The following CSNK1G1 variants were observed in gnomAD, a reference collection of about 807,000 sequenced individuals.
CSNK1G1 encodes the protein casein kinase 1 gamma 1.
CSNK1G1 carries 22 observed loss-of-function variants against 59.6 expected under a neutral mutation model. That is an observed-to-expected ratio of 0.37 (90% confidence interval 0.26 to 0.53). The LOEUF (loss-of-function observed/expected upper bound fraction) is 0.53, where lower values mean the gene tolerates loss of function less well. CSNK1G1 is among the 20% of genes least tolerant of loss of function. The pLI is 0.89. For missense variants in CSNK1G1, 384 were observed against 519.5 expected, an observed-to-expected ratio of 0.74 and a Z score of 2.54; for synonymous variants, 179 against 177.1, an observed-to-expected ratio of 1.01 and a Z score of -0.08.
intron 2 of CSNK1G1, among the ~76,000 whole-genome samples, chr15:64,284,112 TG>T (rs1402802918): frequency 6.6e-6 from 1 of 152,218 alleles, no homozygotes; most frequent in Non-Finnish European, 1.5e-5. Context: ...CCCCATTGTA[TG>T]GTCTTGACAC....
rs34206192 is a variant in CSNK1G1 at position 64,338,700 on chromosome 15, C to CAAAAAAAAAAAAAA, written c.-225+17274_-225+17287dup. On this transcript the variant is annotated intron_variant, in intron 1 of 11. Coordinates refer to ENST00000303052, the MANE Select transcript of CSNK1G1 (RefSeq NM_022048.5). ...GGGCAACAAGAGTGAAACTCGGTCT[C>CAAAAAAAAAAAAAA]AAAAAAAAAAAAAAAAAAAAAAAAA... Among the ~76,000 whole-genome samples the CAAAAAAAAAAAAAA allele has an allele frequency of 9.5e-5, 3 of 31,532 alleles. 1 individual carries two copies. Among genetic ancestry groups the CAAAAAAAAAAAAAA allele is most frequent in the African/African-American group, 5.6e-4 (3 of 5,382 alleles). 20.7% of individuals were successfully genotyped at this position (31,532 alleles called of 152,430 possible). A position where few individuals can be genotyped will look rare whatever the true frequency, so the allele number is the denominator to read the frequency against.
chr15:64,318,819 C>T (rs888359567), intron 1 of CSNK1G1, among the ~76,000 whole-genome samples: 2 of 151,906 alleles, frequency 1.3e-5, no homozygotes, highest in Non-Finnish European at 2.9e-5. Context: ...CCATGTTGGC[C>T]GGGCTGGTCT....
intron 4 of CSNK1G1, among the ~76,000 whole-genome samples, chr15:64,230,808 T>G (rs2082537500): frequency 6.6e-6 from 1 of 151,672 alleles, no homozygotes; most frequent in Non-Finnish European, 1.5e-5. Flanking sequence ...CCGTCTCTAC[T>G]AAAAAATACA....
chr15:64,225,580 C>A (rs749665050), intron 4 of CSNK1G1, among the ~76,000 whole-genome samples: 2 of 152,180 alleles, frequency 1.3e-5, no homozygotes, highest in Non-Finnish European at 2.9e-5. Context: ...TTACATAGGG[C>A]ATAACCTATC....
chr15:64,344,067 T>C (rs567657896), intron 1 of CSNK1G1, among the ~76,000 whole-genome samples: 47 of 152,128 alleles, frequency 3.1e-4, no homozygotes, highest in Non-Finnish European at 5.7e-4. Flanking sequence ...AAAATAGTAA[T>C]GTATAAAAAT....
chr15:64,209,546 T>C (rs1458485131), intron 6 of CSNK1G1, among the ~76,000 whole-genome samples: 1 of 151,524 alleles, frequency 6.6e-6, no homozygotes, highest in East Asian at 1.9e-4. Context: ...TAAAACTGAG[T>C]TGGTATACAA....
At chr15:64,196,293 C>A (rs1182435924) in intron 10 of CSNK1G1, among the ~76,000 whole-genome samples, 3 of 152,036 alleles carry the variant, frequency 2.0e-5, no homozygotes, top group African/African-American at 7.2e-5. Flanking sequence ...TAAATGCAGT[C>A]CTTTAGGAAC....
intron 7 of CSNK1G1, 97 bp downstream of exon 7, chr15:64,207,412 G>T: frequency 2.3e-6 from 2 of 867,346 alleles, no homozygotes; most frequent in Non-Finnish European, 3.7e-6. Flanking sequence ...CATCTGGCCA[G>T]CCCCCTACAC....
intron 1 of CSNK1G1, among the ~76,000 whole-genome samples, chr15:64,352,925 C>T (rs1048242167): frequency 1.3e-5 from 2 of 151,816 alleles, no homozygotes; most frequent in African/African-American, 2.4e-5. Flanking sequence ...GCCTTCTCTA[C>T]TAAAAACACA....
chr15:64,335,588 T>C (rs1333196567), intron 1 of CSNK1G1, among the ~76,000 whole-genome samples: 1 of 152,218 alleles, frequency 6.6e-6, no homozygotes, highest in Non-Finnish European at 1.5e-5. Flanking sequence ...GTATATTTCT[T>C]TCATGAATAT....
At chr15:64,234,694 A>C (rs1428233279) in intron 4 of CSNK1G1, among the ~76,000 whole-genome samples, 1 of 152,202 alleles carries the variant, frequency 6.6e-6, no homozygotes, top group Non-Finnish European at 1.5e-5. Context: ...GAGAAAGAAA[A>C]GCATGGTCTG....
In CSNK1G1 at chr15:64,203,089, C is replaced by T. The variant is rs1337451905; in HGVS notation, c.1100G>A (p.Arg367Gln). The change falls in exon 10 of 12, where the codon CGA (arginine) becomes CAA (glutamine). Residue 367 changes from arginine to glutamine, a missense_variant. Physicochemically the swap from Arg to Gln is conservative, Grantham distance 43. Coordinates refer to ENST00000303052, the MANE Select transcript of CSNK1G1 (RefSeq NM_022048.5). ...TGGAGGATCAACACATACCTGATTT[C>T]GAAGAGGCTGCTGTTGTGATGGCCG... ...RDRPSQQQPL[R>Q]NQVVSSTNGE... 1.1e-5 allele frequency: 18 copies of T among 1,612,524 alleles called. No homozygotes were observed. The highest frequency in any genetic ancestry group is 1.5e-5 in the Non-Finnish European group (18 of 1,178,722).
intron 4 of CSNK1G1, among the ~76,000 whole-genome samples, chr15:64,244,793 G>C: frequency 6.6e-6 from 1 of 152,062 alleles, no homozygotes. Context: ...ACTACAGCCT[G>C]GGTAACAGAG....
chr15:64,277,266 A>T (rs748298852), intron 2 of CSNK1G1, among the ~76,000 whole-genome samples: 3 of 151,996 alleles, frequency 2.0e-5, no homozygotes, highest in Non-Finnish European at 4.4e-5. Context: ...GGGGTTTGAG[A>T]TCAGCCTAGG....
chr15:64,329,052 T>C, intron 1 of CSNK1G1, among the ~76,000 whole-genome samples: 2 of 148,622 alleles, frequency 1.3e-5, no homozygotes, highest in Non-Finnish European at 3.0e-5. Context: ...CAAAGAGACT[T>C]AGACTCCCAC....
chr15:64,248,572 G>A (rs1051681419), intron 4 of CSNK1G1, among the ~76,000 whole-genome samples: 1 of 151,974 alleles, frequency 6.6e-6, no homozygotes, highest in African/African-American at 2.4e-5. Context: ...TGGGGAGAGT[G>A]GGACCAATAT....
intron 1 of CSNK1G1, among the ~76,000 whole-genome samples, chr15:64,334,606 G>C (rs1209495031): frequency 2.0e-5 from 3 of 152,154 alleles, no homozygotes; most frequent in African/African-American, 7.2e-5. Flanking sequence ...CAATCATCAG[G>C]CATTAGATTC....
chr15:64,272,494 G>C (rs1893373026), intron 2 of CSNK1G1, among the ~76,000 whole-genome samples: 1 of 152,074 alleles, frequency 6.6e-6, no homozygotes, highest in Non-Finnish European at 1.5e-5. Flanking sequence ...TGGGATTACA[G>C]GTGTGAGACA....
At chr15:64,300,226 T>G in intron 2 of CSNK1G1, 93 bp downstream of exon 2, 1 of 1,264,152 alleles carries the variant, frequency 7.9e-7, no homozygotes, top group South Asian at 1.4e-5. Context: ...GAAAAATTTC[T>G]TGTAAAACTA....
Sources: gnomAD v4.1 joint callset for allele counts (sites outside exome capture counted in the v4.1 genomes callset) on GRCh38, gnomAD v4.1.1 for gene constraint, MANE v1.5 for transcripts, NCBI Gene and HGNC (gene_info 2026-07-23, HGNC 2026-07-21) for gene names.